BLNK: variants seen among roughly 807,000 people sequenced by gnomAD.
The protein encoded by BLNK is B-cell linker protein.
BLNK carries 29 observed loss-of-function variants against 73.5 expected under a neutral mutation model. The ratio of observed to expected loss-of-function variants is 0.39; its 90% CI spans 0.29 to 0.54. The LOEUF is 0.54. Among genes scored for constraint, BLNK ranks in the 20% least tolerant of loss-of-function variants. The probability of loss-of-function intolerance (pLI) is 0.61; values close to 1 mark genes in which losing one functional copy is unlikely to be tolerated. For missense variants in BLNK, 460 were observed against 562.8 expected (o/e 0.82, Z 1.85); for synonymous variants, 176 against 200.8 (o/e 0.88, Z 1.04).
Position 96,191,901 on chromosome 10 carries a change from G to A in BLNK, c.*72C>T. The A allele has an allele frequency of 6.3e-7, 1 of 1,586,386 alleles. No homozygotes were observed. The highest frequency in any genetic ancestry group is 8.6e-7 in the Non-Finnish European group (1 of 1,157,414). ...TTCATAATCCAAAATATGAAGTTTT[G>A]GGACTTTTTCTCAAAAGGAGAAACT... On this transcript the variant is annotated 3_prime_UTR_variant, in exon 17 of 17. Coordinates refer to ENST00000224337, the MANE Select transcript of BLNK (RefSeq NM_013314.4).
intron 9 of BLNK, among the ~76,000 whole-genome samples, chr10:96,208,680 C>T (rs782771340): frequency 2.0e-5 from 3 of 152,188 alleles, no homozygotes; most frequent in African/African-American, 7.2e-5. Context: ...AAAACCCTCA[C>T]CATATCTCTC....
chr10:96,259,670 C>CTTTTTTTTTTTTTTTTTTTTT (rs57821919), intron 1 of BLNK, among the ~76,000 whole-genome samples: 17 of 44,872 alleles, frequency 3.8e-4, no homozygotes, highest in African/African-American at 4.8e-4. Flanking sequence ...CACACCCTAC[C>CTTTTTTTTTTTTTTTTTTTTT]TTTTTTTTTT....
Position 96,197,061 on chromosome 10 carries a change from A to C in BLNK, c.1098T>G (p.Asp366Glu), listed in dbSNP as rs782205113. Residue 366 changes from aspartate to glutamate, a missense_variant and splice_region_variant, in exon 16 of 17, where the codon GAT becomes GAG. This residue lies in a region of BLNK where 88 missense variants were observed against 143.4 expected (regional missense o/e 0.61). Transcript: ENST00000224337. ...AEEALHRSNK[D>E]GSFLIRKSSG... ...AGCTTTTCCGAATAAGAAATGATCC[A>C]TCCTGTTTAATTTTTTTTAAAAAAC... 2.4e-5 allele frequency: 39 copies of C among 1,610,460 alleles called. No individual in the cohort carries two copies. The highest frequency in any genetic ancestry group is 3.0e-5 in the Non-Finnish European group (35 of 1,178,448).
intron 1 of BLNK, among the ~76,000 whole-genome samples, chr10:96,257,971 A>C (rs1452371185): frequency 6.6e-6 from 1 of 152,228 alleles, no homozygotes; most frequent in East Asian, 1.9e-4. Context: ...TGAAGTTTTC[A>C]GCCACCAACC....
intron 15 of BLNK, among the ~76,000 whole-genome samples, chr10:96,198,901 C>A (rs1027240138): frequency 6.6e-6 from 1 of 152,162 alleles, no homozygotes; most frequent in East Asian, 1.9e-4. Context: ...GTTTTGCCAT[C>A]TTGGCCAGGC....
Position 96,189,505 on chromosome 10 carries a change from T to A in BLNK, c.*2468A>T. 1.6e-6 allele frequency: 1 copy of A among 641,406 alleles called. No homozygotes were observed. Among genetic ancestry groups the A allele is most frequent in the South Asian group, 1.4e-5 (1 of 72,444 alleles). The allele number at this position is 641,406 out of a possible 1,614,324, so 39.7% of individuals were successfully genotyped here. ...ATACTTGCTTGCATTTTTGATTTAA[T>A]GTCTTCTACAGAACTAGGCCCTTTT... On this transcript the variant is annotated 3_prime_UTR_variant, in exon 17 of 17. Coordinates refer to ENST00000224337, the MANE Select transcript of BLNK (RefSeq NM_013314.4).
intron 15 of BLNK, chr10:96,199,431 T>C (rs1224133217): frequency 4.7e-6 from 2 of 424,532 alleles, no homozygotes; most frequent in Non-Finnish European, 9.5e-6. Flanking sequence ...AGCCTGTCAC[T>C]GTTCACTCCT....
At position 96,254,073 on chromosome 10, in the gene BLNK, A is replaced by G. The variant is rs533221523; in HGVS notation, c.48-7024T>C. Among the ~76,000 whole-genome samples, 5 of 152,162 alleles carry G rather than the reference A, an allele frequency of 3.3e-5. No individual in the cohort carries two copies. In the East Asian group the frequency reaches 5.8e-4, roughly 18 times the overall value. ...AAAAAAAAGGAAAAAAAAAAGGATT[A>G]GGCCAGGTTTATCCCCTTCTAGGCT... On this transcript the variant is annotated intron_variant, in intron 1 of 16. Transcript: ENST00000224337.
intron 13 of BLNK, 103 bp from the exon 14 acceptor site, chr10:96,201,161 A>C: frequency 9.5e-7 from 1 of 1,054,874 alleles, no homozygotes; most frequent in East Asian, 2.4e-5. Flanking sequence ...GGACACATCC[A>C]CCAAAAAAAA....
At chr10:96,258,609 G>T (rs961088283) in intron 1 of BLNK, among the ~76,000 whole-genome samples, 14 of 152,050 alleles carry the variant, frequency 9.2e-5, no homozygotes, top group African/African-American at 3.4e-4. Flanking sequence ...AAGGTGGGGG[G>T]TACCTCCATG....
chr10:96,206,025 C>T (rs2083795520), intron 11 of BLNK, among the ~76,000 whole-genome samples: 1 of 152,024 alleles, frequency 6.6e-6, no homozygotes, highest in Non-Finnish European at 1.5e-5. Context: ...CAGAAGAAAG[C>T]AATACAGCAG....
chr10:96,203,331 A>G (rs1430634188), intron 13 of BLNK, among the ~76,000 whole-genome samples: 2 of 152,194 alleles, frequency 1.3e-5, no homozygotes, highest in East Asian at 3.8e-4. Flanking sequence ...TTTAAGATGA[A>G]TATTATTAAA....
At chr10:96,247,159 A>G in intron 1 of BLNK, 110 bp from the exon 2 acceptor site, 2 of 702,770 alleles carry the variant, frequency 2.8e-6, no homozygotes, top group Non-Finnish European at 4.8e-6. Flanking sequence ...TACCAAAACA[A>G]CCTCCAAATA....
rs587599167 is a variant in BLNK at position 96,209,200 on chromosome 10, C to T, written c.746+638G>A. Reference sequence around the variant, plus strand: ...GACCAGCACATAGTATATATCTACACACTTATTTACAGACCATAAAACTGA... The same window carrying T: ...GACCAGCACATAGTATATATCTACATACTTATTTACAGACCATAAAACTGA... On this transcript the variant is annotated intron_variant, in intron 9 of 16. Transcript: ENST00000224337. Among the ~76,000 whole-genome samples the T allele has an allele frequency of 2.0e-5, 3 of 152,228 alleles. No individual in the cohort carries two copies. In the South Asian group the frequency reaches 6.2e-4, roughly 32 times the overall value.
intron 3 of BLNK, among the ~76,000 whole-genome samples, chr10:96,231,136 T>C (rs1554903938): frequency 6.6e-6 from 1 of 152,228 alleles, no homozygotes; most frequent in Non-Finnish European, 1.5e-5. Flanking sequence ...TCATACTATG[T>C]GGCTTCTAAG....
chr10:96,269,373 A>G (rs1330805960), intron 1 of BLNK, among the ~76,000 whole-genome samples: 1 of 146,506 alleles, frequency 6.8e-6, no homozygotes, highest in Non-Finnish European at 1.5e-5. Flanking sequence ...ATTCCCTGAA[A>G]GAGAATGCAT....
chr10:96,252,321 G>A (rs956137699), intron 1 of BLNK, among the ~76,000 whole-genome samples: 1 of 152,194 alleles, frequency 6.6e-6, no homozygotes, highest in African/African-American at 2.4e-5. Context: ...AAAGTGCTGG[G>A]ATTACAGGCA....
rs1554895917 is a variant in BLNK, at chr10:96,200,882, T to G, written c.1011+100A>C. On this transcript the variant is annotated intron_variant, in intron 14 of 16. Transcript: ENST00000224337. The surrounding 1 kb of genome is among the most constrained non-coding windows in gnomAD (Gnocchi z 4.3). ...ACATAATGATGTAAAATACAGTCTC[T>G]GTTCTCAAGGTTCACTCCAAATGTC... 3 of 1,066,048 alleles carry G rather than the reference T, an allele frequency of 2.8e-6. No homozygotes were observed. Among genetic ancestry groups the G allele is most frequent in the Non-Finnish European group, 1.5e-6 (1 of 681,612 alleles). The allele number at this position is 1,066,048 out of a possible 1,614,324, so 66.0% of individuals were successfully genotyped here.
rs587594945 is a variant in BLNK at position 96,229,750 on chromosome 10, G to A, written c.204+1044C>T. 6.5e-4 allele frequency among the ~76,000 whole-genome samples: 99 copies of A among 152,054 alleles called. No homozygotes were observed. In the Middle Eastern group the frequency reaches 0.01, roughly 16 times the overall value. The stretch of plus-strand genomic sequence containing the variant: ...CAGCTGCAGTGCATCTCAGGGAGCT[G>A]CGGCTGCTGGGCCCCAGGAGGAGCT... On this transcript the variant is annotated intron_variant, in intron 4 of 16. Transcript: ENST00000224337.
Sources: allele counts gnomAD v4.1 joint callset (sites outside exome capture counted in the v4.1 genomes callset), GRCh38; gene constraint gnomAD v4.1.1; regional missense constraint gnomAD v4.1.1; non-coding constraint Gnocchi (gnomAD v3.1); transcripts MANE v1.5; gene names NCBI Gene and HGNC (gene_info 2026-07-23, HGNC 2026-07-21).